Variants in TLK1 observed in about 807,000 individuals in gnomAD.
TLK1 encodes the protein serine/threonine-protein kinase tousled-like 1.
Under a neutral mutation model 105.3 loss-of-function variants are expected in TLK1, and 24 were observed. The observed-to-expected ratio is 0.23, with a 90% CI of 0.17 to 0.32. The LOEUF (loss-of-function observed/expected upper bound fraction) is 0.32. TLK1 is among the 10% of genes least tolerant of loss of function. The pLI is 1.00. For missense variants in TLK1, 558 were observed against 910.5 expected (o/e 0.61, Z 4.98); for synonymous variants, 321 against 310.4 (o/e 1.03, Z -0.36).
chr2:171,177,079 T>C (rs531556191), intron 1 of TLK1, among the ~76,000 whole-genome samples: 3 of 152,170 alleles, frequency 2.0e-5, no homozygotes, highest in Admixed American at 6.6e-5. Flanking sequence ...GTGATGTGTC[T>C]GCCTCTGCCT....
intron 1 of TLK1, among the ~76,000 whole-genome samples, chr2:171,192,505 C>G (rs900445122): frequency 2.6e-5 from 4 of 151,892 alleles, no homozygotes; most frequent in Non-Finnish European, 5.9e-5. Flanking sequence ...CAGTGAAACC[C>G]CATCTCTACT....
rs1468190321 is a variant in TLK1 at position 171,160,754 on chromosome 2, G to GAGCGCGGGCTGCGCCGGCCGA, written c.-347_-327dup. On this transcript the variant is annotated 5_prime_UTR_variant, in exon 1 of 21. Transcript: ENST00000431350. The surrounding 1 kb of genome is among the most constrained non-coding windows in gnomAD (Gnocchi z 4.4). ...CCGGGCCGGGGTCGGAGCGCGGGCG[G>GAGCGCGGGCTGCGCCGGCCGA]AGCGCGGGCTGCGCCGGCCGAGGAC... 14 of 436,764 alleles carry GAGCGCGGGCTGCGCCGGCCGA rather than the reference G, an allele frequency of 3.2e-5. No homozygotes were observed. The East Asian group carries it at 4.3e-4, about 13-fold the overall frequency. 27.1% of individuals were successfully genotyped at this position (436,764 alleles called of 1,614,324 possible). A position where few individuals can be genotyped will look rare whatever the true frequency, so the allele number is the denominator to read the frequency against.
At chr2:171,127,810 CTAAA>C (rs57509642) in intron 1 of TLK1, among the ~76,000 whole-genome samples, 9,506 of 152,092 alleles carry the variant, frequency 0.063, 378 homozygotes, top group South Asian at 0.1. Context: ...ACTTTATTCA[CTAAA>C]TAGTTTCACT....
intron 2 of TLK1, among the ~76,000 whole-genome samples, chr2:171,105,795 A>T (rs1689898702): frequency 6.6e-6 from 1 of 152,216 alleles, no homozygotes; most frequent in Non-Finnish European, 1.5e-5. Flanking sequence ...ATGGAAAAAA[A>T]TATGGAGGCT....
At chr2:171,063,581 G>A (rs949674390) in intron 3 of TLK1, among the ~76,000 whole-genome samples, 4 of 152,068 alleles carry the variant, frequency 2.6e-5, no homozygotes, top group Non-Finnish European at 4.4e-5. Context: ...CATACAAAAT[G>A]TTATAATTCT....
intron 1 of TLK1, among the ~76,000 whole-genome samples, chr2:171,190,090 C>G (rs1382020638): frequency 1.3e-5 from 2 of 152,188 alleles, no homozygotes; most frequent in African/African-American, 4.8e-5. Context: ...GATCTTTTAG[C>G]TGCAATAATT....
chr2:171,086,491 T>G lies in TLK1; in HGVS notation c.259-3639A>C, dbSNP rs1363014164. The stretch of plus-strand genomic sequence containing the variant: ...AAATACAAAAAACAGCCAGGCGTCA[T>G]GGCGCATGCCTGTAATCCCAGCTAC... On this transcript the variant is annotated intron_variant, in intron 2 of 20. Coordinates refer to ENST00000431350, the MANE Select transcript of TLK1 (RefSeq NM_012290.5). Among the ~76,000 whole-genome samples, 4 of 152,028 alleles carry G rather than the reference T, an allele frequency of 2.6e-5. No individual in the cohort carries two copies. The South Asian group carries it at 8.3e-4, about 32-fold the overall frequency.
chr2:170,997,423 G>A (rs1299919340), intron 19 of TLK1, among the ~76,000 whole-genome samples: 3 of 152,142 alleles, frequency 2.0e-5, no homozygotes, highest in Non-Finnish European at 4.4e-5. Context: ...GGTGGATAAT[G>A]AAAAGTATTG....
chr2:171,206,472 C>A (rs1488196850), intron 1 of TLK1, among the ~76,000 whole-genome samples: 1 of 152,136 alleles, frequency 6.6e-6, no homozygotes, highest in African/African-American at 2.4e-5. Flanking sequence ...CTGGGCAATA[C>A]AATCTCTACC....
intron 2 of TLK1, among the ~76,000 whole-genome samples, chr2:171,090,117 T>A (rs1207402018): frequency 6.6e-6 from 1 of 152,210 alleles, no homozygotes; most frequent in African/African-American, 2.4e-5. Context: ...AGGCCTTTTC[T>A]GATTTCACTG....
intron 13 of TLK1, among the ~76,000 whole-genome samples, chr2:171,011,747 C>T (rs1047284543): frequency 1.3e-5 from 2 of 152,158 alleles, no homozygotes. Flanking sequence ...CCAAGAGCTT[C>T]ATAAAATCCT....
Position 171,006,192 on chromosome 2 carries a change from C to A in TLK1, c.1859G>T (p.Gly620Val). Reference sequence around the variant, plus strand: ...GGAAGTTAGATCCATTCCATCTACACCATAGCTATCATCATCCATAATCTT... The same window carrying A: ...GGAAGTTAGATCCATTCCATCTACAACATAGCTATCATCATCCATAATCTT... Reference protein sequence around the residue: ...LSKIMDDDSYGVDGMDLTSQG... With the variant: ...LSKIMDDDSYVVDGMDLTSQG... The change falls in exon 18 of 21, where the codon GGT becomes GTT. Residue 620 changes from glycine to valine, a missense_variant. This residue lies in a region of TLK1 where 218 missense variants were observed against 492.9 expected (regional missense o/e 0.44). Coordinates refer to ENST00000431350, the MANE Select transcript of TLK1 (RefSeq NM_012290.5). 6.2e-7 allele frequency: 1 copy of A among 1,610,878 alleles called. No individual in the cohort carries two copies. The highest frequency in any genetic ancestry group is 8.5e-7 in the Non-Finnish European group (1 of 1,178,670).
At chr2:171,098,115 TG>T (rs1689529359) in intron 2 of TLK1, among the ~76,000 whole-genome samples, 1 of 151,736 alleles carries the variant, frequency 6.6e-6, no homozygotes. Context: ...GTAGGGGAAA[TG>T]GGGAGATTTT....
At chr2:171,073,515 C>A (rs1336065585) in intron 3 of TLK1, among the ~76,000 whole-genome samples, 2 of 152,100 alleles carry the variant, frequency 1.3e-5, no homozygotes, top group African/African-American at 2.4e-5. Context: ...TTCTGATATA[C>A]ATATTCTTCT....
At chr2:171,124,750 T>A (rs911534045) in intron 1 of TLK1, among the ~76,000 whole-genome samples, 1 of 152,232 alleles carries the variant, frequency 6.6e-6, no homozygotes, top group African/African-American at 2.4e-5. Context: ...TTGCAGCACA[T>A]CCTTACAGAT....
chr2:171,144,911 T>G (rs1249836778), intron 1 of TLK1, among the ~76,000 whole-genome samples: 1 of 152,132 alleles, frequency 6.6e-6, no homozygotes, highest in Non-Finnish European at 1.5e-5. Flanking sequence ...AACAAAAGAT[T>G]TGAACAAGCA....
intron 1 of TLK1, among the ~76,000 whole-genome samples, chr2:171,152,070 G>A (rs549650573): frequency 2.8e-4 from 42 of 152,294 alleles, no homozygotes; most frequent in African/African-American, 1.0e-3. Context: ...TTACCTAAGT[G>A]TCCAGTGGGG....
At chr2:171,001,807 C>G (rs192667357) in intron 18 of TLK1, among the ~76,000 whole-genome samples, 3 of 151,764 alleles carry the variant, frequency 2.0e-5, no homozygotes, top group African/African-American at 4.8e-5. Flanking sequence ...TGAATGAGAC[C>G]GAATCTTGCT....
chr2:171,047,172 GAATA>G (rs1219381422), intron 10 of TLK1, among the ~76,000 whole-genome samples: 37 of 152,044 alleles, frequency 2.4e-4, no homozygotes, highest in Admixed American at 2.3e-3. Flanking sequence ...TTCTAAAAAC[GAATA>G]GATACCATGT....
Sources: gnomAD v4.1 joint callset for allele counts (sites outside exome capture counted in the v4.1 genomes callset) on GRCh38, gnomAD v4.1.1 for gene constraint, gnomAD v4.1.1 regional missense constraint, Gnocchi (gnomAD v3.1) non-coding constraint, MANE v1.5 for transcripts, NCBI Gene and HGNC (gene_info 2026-07-23, HGNC 2026-07-21) for gene names.